The following NT5C1B variants were observed in gnomAD, a reference collection of about 807,000 sequenced individuals.
NT5C1B encodes the protein 5'-nucleotidase, cytosolic IB, also known as cytosolic 5'-nucleotidase 1B.
Under a neutral mutation model 57.8 loss-of-function variants are expected in NT5C1B, and 44 were observed. That is an observed-to-expected ratio of 0.76 (90% CI 0.60 to 0.98). The LOEUF (loss-of-function observed/expected upper bound fraction) is 0.98. Among genes scored for constraint, NT5C1B ranks in the 50% least tolerant of loss-of-function variants. The pLI is 0.00. For synonymous variants in NT5C1B, 284 were observed against 282.6 expected (o/e 1.00, Z -0.05); for missense variants, 742 against 719.5 (o/e 1.03, Z -0.36).
At chr2:18,563,898 G>T (rs1178508190) in exon 9 of NT5C1B, 2 of 1,614,140 alleles carry the variant, frequency 1.2e-6, no homozygotes, top group Non-Finnish European at 1.7e-6. Flanking sequence ...TGTGGGGCCG[G>T]ATCTTCACCA....
chr2:18,580,815 A>T (rs1407054504), intron 6 of NT5C1B, among the ~76,000 whole-genome samples: 2 of 152,216 alleles, frequency 1.3e-5, no homozygotes, highest in Non-Finnish European at 2.9e-5. Context: ...GGAGGCTATT[A>T]TCCTAAGTGA....
intron 6 of NT5C1B, among the ~76,000 whole-genome samples, chr2:18,582,586 G>C (rs1244245738): frequency 6.6e-6 from 1 of 152,188 alleles, no homozygotes; most frequent in African/African-American, 2.4e-5. Context: ...GTTCAGAAGT[G>C]AAAAACATAC....
chr2:18,576,531 G>A lies in NT5C1B; in HGVS notation c.1145-163C>T, dbSNP rs1572343638. Among the ~76,000 whole-genome samples the A allele has an allele frequency of 2.6e-5, 4 of 152,096 alleles. No individual in the cohort carries two copies. In the South Asian group the frequency reaches 6.2e-4, roughly 24 times the overall value. On this transcript the variant is annotated intron_variant, in intron 7 of 8. Coordinates refer to ENST00000304081, the Ensembl canonical transcript of NT5C1B. ...CACAGACCTCAGAACAGTTGTCTAT[G>A]CACTGCCTCTGTTTCTATAGGGATG...
At chr2:18,582,907 G>C in exon 6 of NT5C1B, 1 of 1,613,850 alleles carries the variant, frequency 6.2e-7, no homozygotes, top group Non-Finnish European at 8.5e-7. Context: ...ACTCCCACTT[G>C]GGCATGGTTA....
intron 6 of NT5C1B, among the ~76,000 whole-genome samples, chr2:18,578,907 C>G (rs1385675939): frequency 6.6e-6 from 1 of 152,104 alleles, no homozygotes; most frequent in African/African-American, 2.4e-5. Context: ...ATAGTTTCTG[C>G]CCCAAAGTTC....
rs1665740480 is a variant in NT5C1B, at chr2:18,576,964, A to G, written c.1022-69T>C. The G allele has an allele frequency of 5.0e-6, 8 of 1,600,784 alleles. No homozygotes were observed. The South Asian group carries it at 9.1e-5, about 18-fold the overall frequency. ...ACAAAATGCCGTAAATCCAAGTAAA[A>G]GTTACCTTAGAGATAACTGAGTTTA... On this transcript the variant is annotated intron_variant, in intron 6 of 8. Transcript: ENST00000304081.
At chr2:18,583,142 TC>T in intron 5 of NT5C1B, 145 bp from the exon 6 acceptor site, 1 of 1,101,686 alleles carries the variant, frequency 9.1e-7, no homozygotes, top group Non-Finnish European at 1.2e-6. Flanking sequence ...GGAAGATTTA[TC>T]CCATGCATTT....
intron 8 of NT5C1B, among the ~76,000 whole-genome samples, chr2:18,572,791 C>T (rs987189281): frequency 6.6e-6 from 1 of 152,112 alleles, no homozygotes; most frequent in East Asian, 1.9e-4. Context: ...AAGAAAAATA[C>T]TGAATACTAC....
At chr2:18,568,515 C>T (rs1664864390) in intron 8 of NT5C1B, among the ~76,000 whole-genome samples, 1 of 152,136 alleles carries the variant, frequency 6.6e-6, no homozygotes, top group Non-Finnish European at 1.5e-5. Flanking sequence ...AGGAAGATCT[C>T]TGAAAATGAT....
At chr2:18,580,644 A>G (rs1666105357) in intron 6 of NT5C1B, among the ~76,000 whole-genome samples, 1 of 152,198 alleles carries the variant, frequency 6.6e-6, no homozygotes, top group Non-Finnish European at 1.5e-5. Context: ...ATATGCACAC[A>G]TATCTTCATT....
At position 18,584,810 on chromosome 2, in the gene NT5C1B, A is replaced by AGCCAGGATCGGGCTCTGGGG. The variant is rs1666540731; in HGVS notation, c.407_426dup (p.Ser143ProfsTer91). On this transcript the variant is annotated frameshift_variant, in exon 4 of 9. Coordinates refer to ENST00000304081, the Ensembl canonical transcript of NT5C1B. LOFTEE classifies it high-confidence loss of function. The surrounding 1 kb of genome is among the most constrained non-coding windows in gnomAD (Gnocchi z 5.8). ...TCTTGCATTTTGGTGCTGCGCCGGG[A>AGCCAGGATCGGGCTCTGGGG]GCCAGGATCGGGCTCTGGGGGCGTG... The AGCCAGGATCGGGCTCTGGGG allele has an allele frequency of 1.2e-6, 2 of 1,612,802 alleles. No individual in the cohort carries two copies. Among genetic ancestry groups the AGCCAGGATCGGGCTCTGGGG allele is most frequent in the Non-Finnish European group, 1.7e-6 (2 of 1,179,664 alleles).
chr2:18,563,142 T>A lies in NT5C1B; in HGVS notation c.*654A>T, dbSNP rs529109421. ...AAGCCGGAGACTTCAAATATGAAAC[T>A]CTGTGGATCAGAGGCATTTAACCCA... On this transcript the variant is annotated 3_prime_UTR_variant, in exon 9 of 9. Coordinates refer to ENST00000304081, the Ensembl canonical transcript of NT5C1B. The A allele has an allele frequency of 7.3e-5, 11 of 151,202 alleles. No homozygotes were observed. The East Asian group carries it at 9.9e-4, about 14-fold the overall frequency. 9.4% of individuals were successfully genotyped at this position (151,202 alleles called of 1,614,324 possible).
At chr2:18,582,678 A>G (rs975826292) in intron 6 of NT5C1B, among the ~76,000 whole-genome samples, 190 bp downstream of exon 6, 96 of 152,164 alleles carry the variant, frequency 6.3e-4, no homozygotes, top group African/African-American at 2.2e-3. Context: ...TTTGAGCCCA[A>G]CTCTGTGCTG....
chr2:18,564,188 A>G lies in NT5C1B; in HGVS notation c.1330-69T>C, dbSNP rs1411949509. On this transcript the variant is annotated intron_variant, in intron 8 of 8. Transcript: ENST00000304081. ...AGAAAGTGAATGCTAAAAAGCAGAG[A>G]CCTATATGATACGATACAATACAAA... 7.4e-6 allele frequency: 11 copies of G among 1,486,514 alleles called. No individual in the cohort carries two copies. In the East Asian group the frequency reaches 2.3e-4, roughly 31 times the overall value. 92.1% of individuals were successfully genotyped at this position (1,486,514 alleles called of 1,614,324 possible). A position where few individuals can be genotyped will look rare whatever the true frequency, so the allele number is the denominator to read the frequency against.
At chr2:18,564,431 C>G in intron 8 of NT5C1B, among the ~76,000 whole-genome samples, 1 of 152,144 alleles carries the variant, frequency 6.6e-6, no homozygotes. Context: ...CATAAACTAT[C>G]CATGGTAAGC....
chr2:18,589,492 T>C, exon 1 of NT5C1B: 3 of 1,613,964 alleles, frequency 1.9e-6, no homozygotes, highest in Non-Finnish European at 2.5e-6. Flanking sequence ...GAAATTCTTT[T>C]GTTGTTATCC....
At chr2:18,587,276 G>T in intron 2 of NT5C1B, 8 of 1,490,568 alleles carry the variant, frequency 5.4e-6, no homozygotes, top group Non-Finnish European at 6.3e-6. Context: ...GAGCAGAGGA[G>T]CCTGCTGTGG....
chr2:18,586,500 G>A (rs1572386250), intron 2 of NT5C1B, 109 bp from the exon 3 acceptor site: 1 of 1,486,738 alleles, frequency 6.7e-7, no homozygotes, highest in East Asian at 2.3e-5. Flanking sequence ...CACCCAGTGA[G>A]AAGATCCCTG....
intron 6 of NT5C1B, among the ~76,000 whole-genome samples, chr2:18,581,704 A>G (rs886124128): frequency 3.3e-5 from 5 of 152,070 alleles, no homozygotes; most frequent in African/African-American, 1.2e-4. Flanking sequence ...TGACACTGAG[A>G]CTCCAGAAAT....
Sources: gnomAD v4.1 joint callset for allele counts (sites outside exome capture counted in the v4.1 genomes callset) on GRCh38, gnomAD v4.1.1 for gene constraint, Gnocchi (gnomAD v3.1) non-coding constraint, MANE v1.5 for transcripts, NCBI Gene and HGNC (gene_info 2026-07-23, HGNC 2026-07-21) for gene names.